The following HNF4A variants were observed in gnomAD, a reference collection of about 807,000 sequenced individuals.
HNF4A encodes the protein hepatocyte nuclear factor 4-alpha.
In HNF4A, 15 loss-of-function variants were observed where a neutral mutation model predicts 52.4. The ratio of observed to expected loss-of-function variants is 0.29; its 90% confidence interval spans 0.19 to 0.44. The LOEUF is 0.44. Among genes scored for constraint, HNF4A ranks in the 20% least tolerant of loss-of-function variants. The probability of loss-of-function intolerance (pLI) is 1.00; values close to 1 mark genes in which losing one functional copy is unlikely to be tolerated. For synonymous variants in HNF4A, 280 were observed against 264.4 expected, an observed-to-expected ratio of 1.06 and a Z score of -0.57; for missense variants, 479 against 647.2, an observed-to-expected ratio of 0.74 and a Z score of 2.82.
chr20:44,386,467 GC>G (rs2063225819), intron 1 of HNF4A, among the ~76,000 whole-genome samples: 1 of 152,070 alleles, frequency 6.6e-6, no homozygotes, highest in Non-Finnish European at 1.5e-5. Context: ...TCGCCCAGCT[GC>G]CATCTGAATT....
intron 1 of HNF4A, chr20:44,377,664 G>A (rs1002253266): frequency 3.3e-5 from 5 of 152,148 alleles, no homozygotes; most frequent in African/African-American, 9.7e-5. Context: ...TTGGGAGGCT[G>A]AGGCATGAGA....
chr20:44,418,906 G>C lies in HNF4A; in HGVS notation c.736+394G>C, dbSNP rs528047600. On this transcript the variant is annotated intron_variant, in intron 6 of 9. Transcript: ENST00000316099. ...TTCTCCTGCCTCACCCTCCAGAGTT[G>C]CTGGGACCACAGGCGTGCACCACCA... 3.3e-5 allele frequency among the ~76,000 whole-genome samples: 5 copies of C among 152,270 alleles called. No individual in the cohort carries two copies. The South Asian group carries it at 1.0e-3, about 32-fold the overall frequency.
At chr20:44,378,496 G>A (rs958048658) in intron 1 of HNF4A, among the ~76,000 whole-genome samples, 1 of 152,044 alleles carries the variant, frequency 6.6e-6, no homozygotes, top group African/African-American at 2.4e-5. Flanking sequence ...TTGAACACCT[G>A]ACCAAAGGTG....
chr20:44,372,266 C>G (rs1600644828), intron 1 of HNF4A, among the ~76,000 whole-genome samples: 1 of 152,238 alleles, frequency 6.6e-6, no homozygotes, highest in Non-Finnish European at 1.5e-5. Context: ...CCAGCACTGG[C>G]CGGGTCCCTC....
chr20:44,404,897 G>A (rs1387256910), intron 1 of HNF4A, among the ~76,000 whole-genome samples: 1 of 100,166 alleles, frequency 1.0e-5, no homozygotes, highest in African/African-American at 3.9e-5. Context: ...TGTGTGAACT[G>A]TGGTGTGTGT....
rs1299951904 is a variant in HNF4A at position 44,430,600 on chromosome 20, GGAAGAAT to G, written c.*937_*943del. ...GTAGTAAGAATCTAGCAAGAATTGAGGAAGAATGGTGTGGGAGAGGGATGATGAAGAG... is the reference window on the plus strand; with the variant it reads ...GTAGTAAGAATCTAGCAAGAATTGAGGGTGTGGGAGAGGGATGATGAAGAG... On this transcript the variant is annotated 3_prime_UTR_variant, in exon 10 of 10. Transcript: ENST00000316099. 9.6e-6 allele frequency: 1 copy of G among 104,138 alleles called. No individual in the cohort carries two copies. The highest frequency in any genetic ancestry group is 2.1e-5 in the Non-Finnish European group (1 of 47,492). 6.5% of individuals were successfully genotyped at this position (104,138 alleles called of 1,614,324 possible). A position where few individuals can be genotyped will look rare whatever the true frequency, so the allele number is the denominator to read the frequency against.
At chr20:44,427,379 C>T (rs1328735446) in intron 8 of HNF4A, among the ~76,000 whole-genome samples, 1 of 152,160 alleles carries the variant, frequency 6.6e-6, no homozygotes, top group East Asian at 1.9e-4. Context: ...TAGTATCCAT[C>T]CTATAGGATT....
intron 3 of HNF4A, among the ~76,000 whole-genome samples, chr20:44,408,947 G>C (rs2063542583): frequency 6.6e-6 from 1 of 151,836 alleles, no homozygotes; most frequent in Non-Finnish European, 1.5e-5. Flanking sequence ...GACCCAGCTT[G>C]CTCCAGGGCC....
chr20:44,388,657 C>G (rs941049954), intron 1 of HNF4A, among the ~76,000 whole-genome samples: 1 of 150,302 alleles, frequency 6.7e-6, no homozygotes, highest in Admixed American at 6.6e-5. Context: ...GTCCCTAAGG[C>G]TATCTAAGTT....
chr20:44,364,625 G>A (rs986811241), intron 1 of HNF4A, among the ~76,000 whole-genome samples: 3 of 151,840 alleles, frequency 2.0e-5, no homozygotes, highest in Non-Finnish European at 2.9e-5. Context: ...GCCCACCACC[G>A]CGGCCAGCTA....
chr20:44,387,990 G>A (rs1219650626), intron 1 of HNF4A, among the ~76,000 whole-genome samples: 1 of 152,150 alleles, frequency 6.6e-6, no homozygotes, highest in East Asian at 1.9e-4. Flanking sequence ...GACTGAGGAA[G>A]GGGAGGTGAG....
intron 3 of HNF4A, among the ~76,000 whole-genome samples, chr20:44,411,565 C>T (rs370265453): frequency 6.6e-6 from 1 of 152,254 alleles, no homozygotes; most frequent in East Asian, 1.9e-4. Flanking sequence ...GTCAGGGAAG[C>T]CGTGCTCTGA....
At chr20:44,400,643 G>A (rs558733902), upstream of HNF4A, among the ~76,000 whole-genome samples, 34 of 152,246 alleles carry the variant, frequency 2.2e-4, 1 homozygote, top group East Asian at 3.7e-3. Context: ...TGTGGGAGAC[G>A]GAGAGGGGCA....
chr20:44,358,929 G>C (rs556916612), intron 1 of HNF4A, among the ~76,000 whole-genome samples: 113 of 152,234 alleles, frequency 7.4e-4, no homozygotes, highest in African/African-American at 2.7e-3. Flanking sequence ...GGTGATGCTG[G>C]GTGGACTTGG....
At chr20:44,400,350 GGGA>G (rs1644371174), upstream of HNF4A, among the ~76,000 whole-genome samples, 1 of 124,782 alleles carries the variant, frequency 8.0e-6, no homozygotes, top group African/African-American at 3.5e-5. Flanking sequence ...AGGGAGGAGG[GGGA>G]AGAGGATGGA....
At chr20:44,417,066 C>T (rs561554971) in intron 5 of HNF4A, among the ~76,000 whole-genome samples, 1 of 152,328 alleles carries the variant, frequency 6.6e-6, no homozygotes, top group South Asian at 2.1e-4. Context: ...AAACATTGTG[C>T]CTCCATTGTC....
upstream of HNF4A, chr20:44,401,146 T>C (rs2146338966): frequency 2.2e-6 from 3 of 1,359,562 alleles, no homozygotes; most frequent in Non-Finnish European, 2.9e-6. Flanking sequence ...CCGCCCAGCC[T>C]ATCCACCGGC....
chr20:44,424,019 T>C lies in HNF4A; in HGVS notation c.894T>C (p.Asp298=). 2.5e-6 allele frequency: 4 copies of C among 1,612,892 alleles called. No homozygotes were observed. The highest frequency in any genetic ancestry group is 3.4e-6 in the Non-Finnish European group (4 of 1,179,880). ...CTTGCCCACCCTCTTCCATTGTAGA[T>C]GCCAAGGGGCTGAGCGATCCAGGGA... is the stretch of plus-strand genomic sequence containing the variant. The change falls in exon 8 of 10, where the codon GAT becomes GAC. Residue 298 remains aspartate, a splice_region_variant and synonymous_variant. Transcript: ENST00000316099.
intron 1 of HNF4A, among the ~76,000 whole-genome samples, chr20:44,368,160 A>ATATATATATATATTTTTT (rs1200638153): frequency 7.2e-5 from 2 of 27,778 alleles, no homozygotes; most frequent in African/African-American, 1.5e-4. Context: ...ATATATATAT[A>ATATATATATATATTTTTT]TTTTTTTTTT....
Sources: allele counts gnomAD v4.1 joint callset (sites outside exome capture counted in the v4.1 genomes callset), GRCh38; gene constraint gnomAD v4.1.1; transcripts MANE v1.5; gene names NCBI Gene and HGNC (gene_info 2026-07-23, HGNC 2026-07-21).